DNAAF10: variants seen among roughly 807,000 people sequenced by gnomAD.
DNAAF10 encodes WD repeat domain 92.
A neutral mutation model predicts 43.7 loss-of-function variants in DNAAF10; 28 were observed. The ratio of observed to expected loss-of-function variants is 0.64; its 90% confidence interval spans 0.48 to 0.88. The LOEUF is 0.88. Ranked by LOEUF, DNAAF10 falls within the 40% of genes least tolerant of loss-of-function variation. The probability of loss-of-function intolerance (pLI) is 0.00; values close to 1 mark genes in which losing one functional copy is unlikely to be tolerated. For missense variants in DNAAF10, 403 were observed against 439.1 expected (o/e 0.92, Z 0.73); for synonymous variants, 156 against 157.3 (o/e 0.99, Z 0.06).
At chr2:68,150,305 CTAACA>C (rs1673422377) in intron 1 of DNAAF10, among the ~76,000 whole-genome samples, 1 of 152,212 alleles carries the variant, frequency 6.6e-6, no homozygotes, top group Non-Finnish European at 1.5e-5. Flanking sequence ...TCTTCTGTTA[CTAACA>C]TAATACATTA....
rs777331186 is a variant in DNAAF10, at chr2:68,138,722, A to C, written c.633+20T>G. The stretch of plus-strand genomic sequence containing the variant: ...GGAAACATGCTCAGAGAAACCAAAA[A>C]GCCTCAGAATGTACTTTACCCCATT... On this transcript the variant is annotated intron_variant, in intron 5 of 7. Transcript: ENST00000295121. 6.4e-7 allele frequency: 1 copy of C among 1,563,036 alleles called. No homozygotes were observed. Among genetic ancestry groups the C allele is most frequent in the South Asian group, 1.1e-5 (1 of 89,832 alleles).
intron 1 of DNAAF10, among the ~76,000 whole-genome samples, chr2:68,147,820 C>T (rs1258447810): frequency 6.6e-6 from 1 of 152,148 alleles, no homozygotes; most frequent in Non-Finnish European, 1.5e-5. Flanking sequence ...ATGCTGACAG[C>T]TCTACAATCT....
chr2:68,152,576 A>C (rs1442525798), intron 1 of DNAAF10, among the ~76,000 whole-genome samples: 10 of 152,220 alleles, frequency 6.6e-5, no homozygotes, highest in Non-Finnish European at 2.9e-5. Context: ...AGAAAAGATG[A>C]AAAGAAGTTG....
At chr2:68,148,737 T>A (rs1453212588) in intron 1 of DNAAF10, among the ~76,000 whole-genome samples, 2 of 152,212 alleles carry the variant, frequency 1.3e-5, no homozygotes, top group Non-Finnish European at 2.9e-5. Context: ...TTCCTCTTGG[T>A]CTCTAACAAT....
chr2:68,134,849 T>C, intron 6 of DNAAF10, 50 bp from the exon 7 acceptor site: 1 of 1,598,368 alleles, frequency 6.3e-7, no homozygotes, highest in Non-Finnish European at 8.5e-7. Context: ...AATGGTGCCC[T>C]GGAAGAGAAA....
chr2:68,131,147 T>C lies in DNAAF10; in HGVS notation c.*91A>G, dbSNP rs1355437056. ...GTTAGCCAGGATGGTCTCGATCTCC[T>C]GACCTTCTGATCCACCCGCCTCGGC... On this transcript the variant is annotated 3_prime_UTR_variant, in exon 8 of 8. Transcript: ENST00000295121. 7 of 1,283,766 alleles carry C rather than the reference T, an allele frequency of 5.5e-6. No individual in the cohort carries two copies. The highest frequency in any genetic ancestry group is 1.5e-5 in the African/African-American group (1 of 67,956). 79.5% of individuals were successfully genotyped at this position (1,283,766 alleles called of 1,614,324 possible). A position where few individuals can be genotyped will look rare whatever the true frequency, so the allele number is the denominator to read the frequency against.
Position 68,157,465 on chromosome 2 carries a change from G to A in DNAAF10, c.-22C>T, listed in dbSNP as rs1429778780. On this transcript the variant is annotated 5_prime_UTR_variant, in exon 1 of 8. Transcript: ENST00000295121. ...ACATGGTGCAGCCAATTTCAGCTAC[G>A]GCAACCGCCACACCCAGAGCCCCCA... 9.3e-6 allele frequency: 15 copies of A among 1,613,374 alleles called. No homozygotes were observed. Among genetic ancestry groups the A allele is most frequent in the Middle Eastern group, 1.6e-4 (1 of 6,084 alleles).
chr2:68,142,876 G>C (rs989819928), intron 3 of DNAAF10, among the ~76,000 whole-genome samples: 2 of 151,976 alleles, frequency 1.3e-5, no homozygotes, highest in Admixed American at 6.5e-5. Flanking sequence ...TCATTAAAAG[G>C]CTGCTTTACT....
chr2:68,138,523 C>T (rs985599191), intron 5 of DNAAF10, among the ~76,000 whole-genome samples: 8 of 152,188 alleles, frequency 5.3e-5, no homozygotes, highest in Non-Finnish European at 1.0e-4. Flanking sequence ...GTGACTCCCC[C>T]AACGCTGTGC....
At chr2:68,153,345 TAAAAAAAAA>T (rs775794947) in intron 1 of DNAAF10, among the ~76,000 whole-genome samples, 1 of 98,750 alleles carries the variant, frequency 1.0e-5, no homozygotes, top group Non-Finnish European at 2.2e-5. Flanking sequence ...AGTGATAAAT[TAAAAAAAAA>T]AAAAAAAAAA....
chr2:68,140,839 A>C (rs904948510), intron 4 of DNAAF10, among the ~76,000 whole-genome samples: 3 of 151,840 alleles, frequency 2.0e-5, no homozygotes, highest in African/African-American at 7.3e-5. Context: ...ATTTGGAAAA[A>C]AATTTGCATC....
intron 4 of DNAAF10, among the ~76,000 whole-genome samples, chr2:68,141,149 A>C (rs1332042199): frequency 6.6e-6 from 1 of 152,238 alleles, no homozygotes; most frequent in African/African-American, 2.4e-5. Context: ...CATTTTAAGT[A>C]AATTAATGAA....
At chr2:68,134,327 T>A (rs956487203) in intron 7 of DNAAF10, 1 of 1,037,300 alleles carries the variant, frequency 9.6e-7, no homozygotes, top group African/African-American at 1.7e-5. Context: ...CCTCAGGCTC[T>A]GTTGGGGTCT....
chr2:68,145,563 A>G (rs2103623919), intron 2 of DNAAF10, among the ~76,000 whole-genome samples: 1 of 152,348 alleles, frequency 6.6e-6, no homozygotes, highest in Non-Finnish European at 1.5e-5. Flanking sequence ...TACTTTGTAC[A>G]CATTTCTTCC....
chr2:68,144,479 G>C, intron 3 of DNAAF10, 106 bp downstream of exon 3: 1 of 1,388,140 alleles, frequency 7.2e-7, no homozygotes, highest in Non-Finnish European at 9.8e-7. Context: ...TTAGATTTAG[G>C]GAGTCAAGGT....
At chr2:68,157,198 A>G in intron 1 of DNAAF10, 63 bp downstream of exon 1, 1 of 1,547,496 alleles carries the variant, frequency 6.5e-7, no homozygotes. Context: ...GCAAAGAGGA[A>G]TGCAGACCCC....
Position 68,144,584 on chromosome 2 carries a change from C to T in DNAAF10, c.415+1G>A, listed in dbSNP as rs1321629434. 5 of 1,613,564 alleles carry T rather than the reference C, an allele frequency of 3.1e-6. No individual in the cohort carries two copies. In the African/African-American group the frequency reaches 6.7e-5, roughly 22 times the overall value. On this transcript the variant is annotated splice_donor_variant, in intron 3 of 7. Coordinates refer to ENST00000295121, the MANE Select transcript of DNAAF10 (RefSeq NM_138458.4). LOFTEE classifies it high-confidence loss of function. ...AAAATACATAGAATACAGGGACTCA[C>T]CATCTCGGCTGCCAGTCACAATTTC...
chr2:68,145,480 T>C (rs748589490), intron 2 of DNAAF10, among the ~76,000 whole-genome samples: 1 of 152,212 alleles, frequency 6.6e-6, no homozygotes, highest in Non-Finnish European at 1.5e-5. Flanking sequence ...CAAAGTGATA[T>C]AGAATTCTTC....
chr2:68,147,783 C>T (rs1673357021), intron 1 of DNAAF10, among the ~76,000 whole-genome samples: 1 of 152,044 alleles, frequency 6.6e-6, no homozygotes, highest in Non-Finnish European at 1.5e-5. Flanking sequence ...TTTGCCTTTC[C>T]TCTCCTCTCA....
Sources: allele counts gnomAD v4.1 joint callset (sites outside exome capture counted in the v4.1 genomes callset), GRCh38; gene constraint gnomAD v4.1.1; transcripts MANE v1.5; gene names NCBI Gene and HGNC (gene_info 2026-07-23, HGNC 2026-07-21).